Variants in GALK2 observed in about 807,000 individuals in gnomAD.
GALK2 encodes galactokinase 2, also known as N-acetylgalactosamine kinase.
Under a neutral mutation model 52.4 loss-of-function variants are expected in GALK2, and 36 were observed. The ratio of observed to expected loss-of-function variants is 0.69; its 90% confidence interval spans 0.53 to 0.91. GALK2 has a LOEUF of 0.91. Ranked by LOEUF, GALK2 falls within the 40% of genes least tolerant of loss-of-function variation. GALK2 has a pLI of 0.00. For synonymous variants in GALK2, 176 were observed against 199.1 expected (o/e 0.88, Z 0.98); for missense variants, 579 against 559.1 (o/e 1.04, Z -0.36).
chr15:49,259,339 TC>T (rs2091977731), intron 5 of GALK2, among the ~76,000 whole-genome samples: 1 of 74,872 alleles, frequency 1.3e-5, no homozygotes, highest in Non-Finnish European at 2.6e-5. Flanking sequence ...CCATCCCCCC[TC>T]CCCCCACCCC....
chr15:49,179,811 G>T (rs1027679227), intron 1 of GALK2, among the ~76,000 whole-genome samples: 3 of 151,526 alleles, frequency 2.0e-5, no homozygotes, highest in Non-Finnish European at 4.4e-5. Context: ...ATTTTTTGGG[G>T]GGCATACTTT....
At chr15:49,276,521 T>C (rs2031689111) in intron 5 of GALK2, among the ~76,000 whole-genome samples, 1 of 152,244 alleles carries the variant, frequency 6.6e-6, no homozygotes, top group African/African-American at 2.4e-5. Context: ...TATTGAGATT[T>C]TACATAATTT....
rs2037989916 is a variant in GALK2 at position 49,328,773 on chromosome 15, G to T, written c.*614G>T. ...TTTCTCCAGTTATCAAGAGACTAAG[G>T]ATTTTTTTTTTTTTTTGACAAAAGG... On this transcript the variant is annotated 3_prime_UTR_variant, in exon 10 of 10. Transcript: ENST00000560031. 7.5e-7 allele frequency: 1 copy of T among 1,340,098 alleles called. No homozygotes were observed. The highest frequency in any genetic ancestry group is 2.3e-5 in the African/African-American group (1 of 43,680). The allele number at this position is 1,340,098 out of a possible 1,614,324, so 83.0% of individuals were successfully genotyped here.
intron 5 of GALK2, among the ~76,000 whole-genome samples, chr15:49,275,774 A>G (rs2031555412): frequency 6.6e-6 from 1 of 152,188 alleles, no homozygotes; most frequent in African/African-American, 2.4e-5. Context: ...ACATTCATGA[A>G]TCTTTCGCCC....
intron 1 of GALK2, among the ~76,000 whole-genome samples, chr15:49,192,493 A>ATGTG (rs1432316678): frequency 3.5e-5 from 1 of 28,220 alleles, no homozygotes; most frequent in Admixed American, 5.4e-4. Flanking sequence ...ATGTATATAT[A>ATGTG]TATATATATA....
chr15:49,339,273 T>C (rs1693206112), intron 3 of GALK2, among the ~76,000 whole-genome samples: 1 of 152,206 alleles, frequency 6.6e-6, no homozygotes, highest in Non-Finnish European at 1.5e-5. Context: ...TGGATTTATG[T>C]ACCTTTGGCC....
intron 3 of GALK2, among the ~76,000 whole-genome samples, chr15:49,233,975 A>G (rs971437056): frequency 2.6e-5 from 4 of 152,206 alleles, no homozygotes; most frequent in African/African-American, 7.2e-5. Context: ...CATGCTTTGT[A>G]TGCTTAAGTG....
intron 1 of GALK2, among the ~76,000 whole-genome samples, chr15:49,159,586 A>T (rs1446664859): frequency 6.6e-6 from 1 of 151,878 alleles, no homozygotes; most frequent in Non-Finnish European, 1.5e-5. Flanking sequence ...AAAAAAAAAA[A>T]AAAAAATAAA....
rs576076684 is a variant in GALK2 at position 49,273,660 on chromosome 15, C to T, written c.505-8327C>T. Reference sequence around the variant, plus strand: ...CTGCTTCAGTCTCTTTTAGAGTTATCTTGGTGCCATTTCATGGAGAACTTC... The same window carrying T: ...CTGCTTCAGTCTCTTTTAGAGTTATTTTGGTGCCATTTCATGGAGAACTTC... On this transcript the variant is annotated intron_variant, in intron 5 of 9. Coordinates refer to ENST00000560031, the MANE Select transcript of GALK2 (RefSeq NM_002044.4). Among the ~76,000 whole-genome samples, 4 of 151,304 alleles carry T rather than the reference C, an allele frequency of 2.6e-5. 1 individual carries two copies. The South Asian group carries it at 8.3e-4, about 31-fold the overall frequency.
intron 1 of GALK2, among the ~76,000 whole-genome samples, chr15:49,189,310 G>T (rs560958119): frequency 1.3e-5 from 2 of 152,212 alleles, no homozygotes; most frequent in Admixed American, 1.3e-4. Context: ...ATTAAAATTA[G>T]GAAATTAACA....
chr15:49,290,304 C>T (rs539826511), intron 7 of GALK2, among the ~76,000 whole-genome samples: 1 of 152,332 alleles, frequency 6.6e-6, no homozygotes, highest in Admixed American at 6.5e-5. Flanking sequence ...ACGGGCTGTG[C>T]AGCTGTCATT....
At chr15:49,340,403 G>GCCCCCCCCCCCCCCCCCCCCCCCCC (rs373386438) in intron 3 of GALK2, among the ~76,000 whole-genome samples, 1 of 94,380 alleles carries the variant, frequency 1.1e-5, no homozygotes, top group Non-Finnish European at 2.2e-5. Context: ...GCAGTGCCCC[G>GCCCCCCCCCCCCCCCCCCCCCCCCC]CCCCCCCCCT....
At chr15:49,233,276 A>C (rs142827150) in intron 3 of GALK2, among the ~76,000 whole-genome samples, 2,563 of 152,270 alleles carry the variant, frequency 0.017, 33 homozygotes, top group South Asian at 0.03. Context: ...GAAGTGCCAC[A>C]GACTTTTTAA....
chr15:49,217,115 C>G (rs2089441846), intron 2 of GALK2, 75 bp from the exon 3 acceptor site: 3 of 1,342,278 alleles, frequency 2.2e-6, no homozygotes, highest in Non-Finnish European at 3.1e-6. Flanking sequence ...CAGTTTTTTC[C>G]TGTATGTAAA....
Position 49,192,997 on chromosome 15 carries a change from C to CTTTT in GALK2, c.54-8148_54-8145dup, listed in dbSNP as rs35231463. ...TTTGTTATGAATTTTCTGTTTATAC[C>CTTTT]TTTTTTTTTTTTTTTTTTTTGATGG... On this transcript the variant is annotated intron_variant, in intron 1 of 9. Coordinates refer to ENST00000560031, the MANE Select transcript of GALK2 (RefSeq NM_002044.4). 7.5e-5 allele frequency among the ~76,000 whole-genome samples: 5 copies of CTTTT among 67,064 alleles called. 1 individual carries two copies. Among genetic ancestry groups the CTTTT allele is most frequent in the Non-Finnish European group, 5.9e-5 (2 of 33,644 alleles). The allele number at this position is 67,064 out of a possible 152,430, so 44.0% of individuals were successfully genotyped here. A position where few individuals can be genotyped will look rare whatever the true frequency, so the allele number is the denominator to read the frequency against.
chr15:49,189,498 A>G (rs1216867245), intron 1 of GALK2, among the ~76,000 whole-genome samples: 1 of 152,202 alleles, frequency 6.6e-6, no homozygotes, highest in Non-Finnish European at 1.5e-5. Flanking sequence ...TCCTATATAT[A>G]AATACCTATG....
chr15:49,176,390 T>G (rs1301276422), intron 1 of GALK2, among the ~76,000 whole-genome samples: 1 of 152,240 alleles, frequency 6.6e-6, no homozygotes, highest in African/African-American at 2.4e-5. Flanking sequence ...GGTATATTCA[T>G]GTTAACTTGA....
chr15:49,223,750 T>C (rs1363508881), intron 3 of GALK2, among the ~76,000 whole-genome samples: 1 of 152,236 alleles, frequency 6.6e-6, no homozygotes. Context: ...TAGTATTCCC[T>C]GGTGTATGTA....
rs772436716 is a variant in GALK2 at position 49,292,419 on chromosome 15, G to A, written c.849G>A (p.Leu283=). 1 of 1,614,048 alleles carries A rather than the reference G, an allele frequency of 6.2e-7. No homozygotes were observed. The highest frequency in any genetic ancestry group is 8.5e-7 in the Non-Finnish European group (1 of 1,179,940). ...AKLGISLEEM[L]LVTEDALHPE... ...TAGGGATTAGTCTAGAAGAAATGCT[G>A]TTGGTCACAGAAGATGCCCTTCATC... Residue 283 remains leucine (L), a synonymous_variant, in exon 8 of 10, where the codon CTG becomes CTA. Coordinates refer to ENST00000560031, the MANE Select transcript of GALK2 (RefSeq NM_002044.4).
Sources: allele counts gnomAD v4.1 joint callset (sites outside exome capture counted in the v4.1 genomes callset), GRCh38; gene constraint gnomAD v4.1.1; transcripts MANE v1.5; gene names NCBI Gene and HGNC (gene_info 2026-07-23, HGNC 2026-07-21).